The following SLC23A2 variants were observed in gnomAD, a reference collection of about 807,000 sequenced individuals.
The protein encoded by SLC23A2 is Na(+)/L-ascorbic acid transporter 2.
Under a neutral mutation model 73.3 loss-of-function variants are expected in SLC23A2, and 36 were observed. The ratio of observed to expected loss-of-function variants is 0.49; its 90% confidence interval spans 0.38 to 0.65. The LOEUF (loss-of-function observed/expected upper bound fraction) is 0.65. SLC23A2 is among the 30% of genes least tolerant of loss of function. The probability of loss-of-function intolerance (pLI) is 0.00; values close to 1 mark genes in which losing one functional copy is unlikely to be tolerated. For missense variants in SLC23A2, 507 were observed against 841.6 expected, an observed-to-expected ratio of 0.60 and a Z score of 4.92; for synonymous variants, 343 against 327.3, an observed-to-expected ratio of 1.05 and a Z score of -0.52.
At chr20:4,897,386 G>A (rs1600110488) in intron 6 of SLC23A2, among the ~76,000 whole-genome samples, 1 of 152,166 alleles carries the variant, frequency 6.6e-6, no homozygotes, top group Admixed American at 6.5e-5. Context: ...CAGGGGTGGG[G>A]CTGCCATTCC....
At chr20:4,870,943 G>C (rs1355219078) in intron 11 of SLC23A2, among the ~76,000 whole-genome samples, 1 of 152,156 alleles carries the variant, frequency 6.6e-6, no homozygotes, top group Non-Finnish European at 1.5e-5. Context: ...AGAAAGCAAA[G>C]TGAGGCCCCA....
chr20:4,963,707 G>C (rs989794264), intron 2 of SLC23A2, among the ~76,000 whole-genome samples: 1 of 151,998 alleles, frequency 6.6e-6, no homozygotes, highest in East Asian at 1.9e-4. Context: ...AATTAGCCAG[G>C]CATGATGGCA....
chr20:4,946,278 C>T (rs1330725186), intron 2 of SLC23A2, among the ~76,000 whole-genome samples: 3 of 152,148 alleles, frequency 2.0e-5, no homozygotes, highest in South Asian at 2.1e-4. Context: ...AGAGGCCACT[C>T]CCAGGGCCCC....
intron 9 of SLC23A2, among the ~76,000 whole-genome samples, chr20:4,880,844 C>T (rs745892585): frequency 2.0e-5 from 3 of 151,814 alleles, no homozygotes; most frequent in Admixed American, 6.6e-5. Flanking sequence ...GTAAGAAAAC[C>T]CCAAAGCTTC....
Position 4,902,387 on chromosome 20 carries a change from G to T in SLC23A2, c.324+55C>A. The stretch of plus-strand genomic sequence containing the variant: ...GTGGAATTTTTAAACAATTCCAGAT[G>T]GTAGACAATGCAAACACCTGCTGGT... On this transcript the variant is annotated intron_variant, in intron 5 of 16. Coordinates refer to ENST00000338244, the MANE Select transcript of SLC23A2 (RefSeq NM_005116.6). The surrounding 1 kb of genome is among the most constrained non-coding windows in gnomAD (Gnocchi z 4.0). 1 of 942,520 alleles carries T rather than the reference G, an allele frequency of 1.1e-6. No individual in the cohort carries two copies. Among genetic ancestry groups the T allele is most frequent in the Non-Finnish European group, 1.7e-6 (1 of 605,664 alleles). The allele number at this position is 942,520 out of a possible 1,614,324, so 58.4% of individuals were successfully genotyped here.
intron 7 of SLC23A2, 142 bp downstream of exon 7, chr20:4,885,679 C>T: frequency 3.0e-6 from 2 of 659,198 alleles, no homozygotes; most frequent in Non-Finnish European, 5.6e-6. Context: ...ACAGATGGAG[C>T]ATTCTAAGCT....
At chr20:4,954,932 C>G (rs747005760) in intron 2 of SLC23A2, among the ~76,000 whole-genome samples, 1 of 151,842 alleles carries the variant, frequency 6.6e-6, no homozygotes, top group Non-Finnish European at 1.5e-5. Context: ...GAAGACTGTT[C>G]CGGAAGTTCT....
intron 2 of SLC23A2, among the ~76,000 whole-genome samples, chr20:4,961,474 C>T (rs925487683): frequency 2.6e-5 from 4 of 152,126 alleles, no homozygotes; most frequent in East Asian, 3.8e-4. Flanking sequence ...GTCCAGCTCT[C>T]GGCCCAGGAC....
At chr20:4,915,732 G>A (rs924412797) in intron 3 of SLC23A2, among the ~76,000 whole-genome samples, 2 of 152,164 alleles carry the variant, frequency 1.3e-5, no homozygotes, top group Middle Eastern at 3.2e-3. Context: ...CAGATCACCC[G>A]AGATCACGAG....
Position 4,899,441 on chromosome 20 carries a change from C to T in SLC23A2, c.482+114G>A, listed in dbSNP as rs1243123805. 9 of 1,212,776 alleles carry T rather than the reference C, an allele frequency of 7.4e-6. No individual in the cohort carries two copies. Among genetic ancestry groups the T allele is most frequent in the East Asian group, 4.7e-5 (2 of 42,584 alleles). The allele number at this position is 1,212,776 out of a possible 1,614,324, so 75.1% of individuals were successfully genotyped here. ...GGACCAACGGCCACTAGGACATTCC[C>T]GTGCCTCCATTCTGTCCTTGCCAAC... is the stretch of plus-strand genomic sequence containing the variant. On this transcript the variant is annotated intron_variant, in intron 6 of 16. Transcript: ENST00000338244. This position sits in a 1 kb window ranked among gnomAD's most constrained non-coding sequence, Gnocchi z 4.9.
rs1013850945 is a variant in SLC23A2 at position 4,933,092 on chromosome 20, T to G, written c.-154-376A>C. Among the ~76,000 whole-genome samples the G allele has an allele frequency of 3.3e-5, 5 of 152,252 alleles. 1 individual carries two copies. Among genetic ancestry groups the G allele is most frequent in the Admixed American group, 3.3e-4 (5 of 15,284 alleles). ...ATATCTGTCCTATCCAACAGAGTCA[T>G]GTGGCTACTGAGAACCTGAAATGTG... On this transcript the variant is annotated intron_variant, in intron 2 of 16. Coordinates refer to ENST00000338244, the MANE Select transcript of SLC23A2 (RefSeq NM_005116.6).
intron 3 of SLC23A2, among the ~76,000 whole-genome samples, chr20:4,925,185 A>G (rs942818126): frequency 7.2e-5 from 11 of 151,938 alleles, no homozygotes; most frequent in African/African-American, 2.4e-4. Flanking sequence ...TCTGTCAAAA[A>G]AAAAAAAAAA....
In SLC23A2 at chr20:4,863,075, C is replaced by G. The variant is rs1930043409; in HGVS notation, c.1357-168G>C. On this transcript the variant is annotated intron_variant, in intron 13 of 16. Coordinates refer to ENST00000338244, the MANE Select transcript of SLC23A2 (RefSeq NM_005116.6). This position sits in a 1 kb window ranked among gnomAD's most constrained non-coding sequence, Gnocchi z 4.8. ...CTGTGGGGACCCTGAGGGCCGCCCT[C>G]TGCATCTCCAAGCCTTGGTGACACT... Among the ~76,000 whole-genome samples the G allele has an allele frequency of 2.0e-5, 3 of 152,320 alleles. No homozygotes were observed. Among genetic ancestry groups the G allele is most frequent in the South Asian group, 4.1e-4 (2 of 4,832 alleles).
intron 1 of SLC23A2, among the ~76,000 whole-genome samples, chr20:4,976,404 G>A (rs950783433): frequency 3.9e-5 from 6 of 152,012 alleles, no homozygotes; most frequent in African/African-American, 7.2e-5. Context: ...GGCCGGGCAC[G>A]GTGGCTAACG....
chr20:4,922,183 A>G (rs1235268168), intron 3 of SLC23A2, among the ~76,000 whole-genome samples: 1 of 152,220 alleles, frequency 6.6e-6, no homozygotes, highest in East Asian at 1.9e-4. Context: ...GGTGGGGATT[A>G]GGAATTTAGA....
chr20:4,943,064 T>C (rs2087067322), intron 2 of SLC23A2, among the ~76,000 whole-genome samples: 1 of 140,014 alleles, frequency 7.1e-6, no homozygotes, highest in South Asian at 2.2e-4. Context: ...AAATAAAACA[T>C]AAAATTCATC....
chr20:5,003,148 C>A (rs2122388982), upstream of SLC23A2, among the ~76,000 whole-genome samples: 1 of 152,298 alleles, frequency 6.6e-6, no homozygotes, highest in Admixed American at 6.5e-5. Flanking sequence ...CTTTGGGAGG[C>A]CGAGGCAGGC....
At position 4,867,797 on chromosome 20, in the gene SLC23A2, G is replaced by C. The variant is rs751591305; in HGVS notation, c.1329C>G (p.Pro443=). The change falls in exon 13 of 17, where the codon CCC becomes CCG. Residue 443 remains proline, a synonymous_variant. Transcript: ENST00000338244. ...TTGTAATTCCCAAAACTCCAATGTT[G>C]GGACTGGATGAAGTAGAGCCATTCC... is the stretch of plus-strand genomic sequence containing the variant. The part of the protein sequence containing the change: ...GTGNGSTSSS[P]NIGVLGITKV... 1 of 1,603,070 alleles carries C rather than the reference G, an allele frequency of 6.2e-7. No individual in the cohort carries two copies. Among genetic ancestry groups the C allele is most frequent in the Admixed American group, 1.7e-5 (1 of 59,762 alleles).
intron 1 of SLC23A2, among the ~76,000 whole-genome samples, chr20:4,988,199 G>A (rs769964264): frequency 5.9e-5 from 9 of 151,952 alleles, no homozygotes; most frequent in Non-Finnish European, 1.3e-4. Flanking sequence ...CTACTCAGGA[G>A]GCTGAGGCAG....
Sources: allele counts gnomAD v4.1 joint callset (sites outside exome capture counted in the v4.1 genomes callset), GRCh38; gene constraint gnomAD v4.1.1; non-coding constraint Gnocchi (gnomAD v3.1); transcripts MANE v1.5; gene names NCBI Gene and HGNC (gene_info 2026-07-23, HGNC 2026-07-21).